Variants in RAB3B observed in about 807,000 individuals in gnomAD.
The protein encoded by RAB3B is RAB3B, member RAS oncogene family, also known as ras-related protein Rab-3B.
Under a neutral mutation model 20.5 loss-of-function variants are expected in RAB3B, and 11 were observed. The observed-to-expected ratio is 0.54, with a 90% CI of 0.34 to 0.89. The LOEUF (loss-of-function observed/expected upper bound fraction) is 0.89, where lower values mean the gene tolerates loss of function less well. RAB3B is among the 40% of genes least tolerant of loss of function. RAB3B has a pLI of 0.02. For missense variants in RAB3B, 225 were observed against 280.9 expected, an observed-to-expected ratio of 0.80 and a Z score of 1.42; for synonymous variants, 99 against 106.3, an observed-to-expected ratio of 0.93 and a Z score of 0.42.
chr1:51,957,592 T>C (rs1247113676), intron 2 of RAB3B, among the ~76,000 whole-genome samples: 1 of 152,194 alleles, frequency 6.6e-6, no homozygotes, highest in Non-Finnish European at 1.5e-5. Flanking sequence ...CTTGGTATTG[T>C]TGGGAGGATA....
intron 2 of RAB3B, among the ~76,000 whole-genome samples, chr1:51,953,745 G>T (rs192670294): frequency 2.0e-4 from 31 of 152,346 alleles, no homozygotes; most frequent in South Asian, 6.2e-4. Flanking sequence ...AGGTTGCAGT[G>T]AGCCAAGGTC....
chr1:51,953,609 G>A (rs548882447), intron 2 of RAB3B, among the ~76,000 whole-genome samples: 2 of 152,272 alleles, frequency 1.3e-5, no homozygotes, highest in Non-Finnish European at 2.9e-5. Flanking sequence ...TTCGAGACCA[G>A]CCTGACCAAC....
At chr1:51,967,807 C>A (rs1269136460) in intron 2 of RAB3B, among the ~76,000 whole-genome samples, 1 of 152,006 alleles carries the variant, frequency 6.6e-6, no homozygotes, top group East Asian at 1.9e-4. Flanking sequence ...TGAGCCACCA[C>A]GCCCAACCAG....
chr1:51,937,976 T>C (rs1401537547), intron 2 of RAB3B, among the ~76,000 whole-genome samples: 2 of 150,922 alleles, frequency 1.3e-5, no homozygotes, highest in African/African-American at 4.9e-5. Flanking sequence ...ACATAAAAAG[T>C]TTTAACCTTA....
At chr1:51,920,397 A>G (rs1684156404) in intron 4 of RAB3B, among the ~76,000 whole-genome samples, 1 of 152,226 alleles carries the variant, frequency 6.6e-6, no homozygotes, top group East Asian at 1.9e-4. Flanking sequence ...CCTGGTTTGT[A>G]AAAAGGGATA....
chr1:51,973,922 A>G (rs1164620387), intron 2 of RAB3B, among the ~76,000 whole-genome samples: 2 of 152,230 alleles, frequency 1.3e-5, no homozygotes, highest in Non-Finnish European at 2.9e-5. Context: ...CTGTCAATCC[A>G]CATAGTAAAT....
intron 1 of RAB3B, among the ~76,000 whole-genome samples, chr1:51,987,751 G>A (rs952799424): frequency 3.3e-5 from 5 of 152,090 alleles, no homozygotes; most frequent in African/African-American, 1.2e-4. Context: ...TTGGCTCCAG[G>A]ACCCCCATAT....
intron 2 of RAB3B, among the ~76,000 whole-genome samples, chr1:51,948,254 T>C (rs1684590129): frequency 6.6e-6 from 1 of 152,132 alleles, no homozygotes; most frequent in Non-Finnish European, 1.5e-5. Context: ...AGGTCTTCTG[T>C]CTCCCAACAG....
At chr1:51,958,690 T>G (rs868081224) in intron 2 of RAB3B, among the ~76,000 whole-genome samples, 26 of 147,482 alleles carry the variant, frequency 1.8e-4, no homozygotes, top group African/African-American at 5.5e-4. Flanking sequence ...GCCATTGCAC[T>G]CCAGCCTGGG....
intron 2 of RAB3B, among the ~76,000 whole-genome samples, chr1:51,941,366 G>T (rs1447475755): frequency 6.6e-6 from 1 of 152,138 alleles, no homozygotes; most frequent in Non-Finnish European, 1.5e-5. Flanking sequence ...CTGAGATTTA[G>T]AAAGATCACT....
At chr1:51,950,587 T>A (rs911787947) in intron 2 of RAB3B, among the ~76,000 whole-genome samples, 19 of 39,156 alleles carry the variant, frequency 4.9e-4, no homozygotes, top group Non-Finnish European at 6.6e-4. Context: ...CTGGGCACTT[T>A]CCATGTCATA....
intron 1 of RAB3B, among the ~76,000 whole-genome samples, chr1:51,986,820 G>A (rs543242206): frequency 1.3e-5 from 2 of 152,338 alleles, no homozygotes; most frequent in East Asian, 1.9e-4. Flanking sequence ...ATCTTCTTAG[G>A]AGGGGGCGGC....
intron 2 of RAB3B, among the ~76,000 whole-genome samples, chr1:51,948,812 G>T (rs1457842689): frequency 2.0e-5 from 3 of 152,186 alleles, no homozygotes; most frequent in African/African-American, 7.2e-5. Flanking sequence ...ATTAAGGTCT[G>T]TCTCCCTTGC....
At position 51,913,382 on chromosome 1, in the gene RAB3B, AGAG is replaced by A. The variant is rs1684033855; in HGVS notation, c.*6542_*6544del. The A allele has an allele frequency of 6.6e-6, 1 of 152,148 alleles. No homozygotes were observed. Among genetic ancestry groups the A allele is most frequent in the Non-Finnish European group, 1.5e-5 (1 of 68,036 alleles). The allele number at this position is 152,148 out of a possible 1,614,324, so 9.4% of individuals were successfully genotyped here. A position where few individuals can be genotyped will look rare whatever the true frequency, so the allele number is the denominator to read the frequency against. On this transcript the variant is annotated 3_prime_UTR_variant, in exon 5 of 5. Transcript: ENST00000371655. ...CAGGACATCTACCAGACTTAGTTTC[AGAG>A]GACTGAGGGTGCTTCCTGTGGTAGA...
At chr1:51,967,780 T>A (rs924138396) in intron 2 of RAB3B, among the ~76,000 whole-genome samples, 10 of 151,954 alleles carry the variant, frequency 6.6e-5, no homozygotes, top group Non-Finnish European at 1.3e-4. Context: ...CCTCCCAAAG[T>A]GCTAGGATTA....
intron 2 of RAB3B, among the ~76,000 whole-genome samples, chr1:51,956,435 A>G (rs1486563579): frequency 3.9e-5 from 6 of 152,326 alleles, no homozygotes; most frequent in Admixed American, 3.3e-4. Context: ...AGCAAATGTC[A>G]GAGCTGGGAG....
At chr1:51,960,956 CTA>C (rs1260890847) in intron 2 of RAB3B, among the ~76,000 whole-genome samples, 1 of 152,152 alleles carries the variant, frequency 6.6e-6, no homozygotes, top group East Asian at 1.9e-4. Flanking sequence ...GATCCTTTCC[CTA>C]TATGATCTCA....
In RAB3B at chr1:51,919,904, G is replaced by A; in HGVS notation, c.*23C>T. 1 of 1,599,696 alleles carries A rather than the reference G, an allele frequency of 6.3e-7. No individual in the cohort carries two copies. The highest frequency in any genetic ancestry group is 2.0e-4 in the Middle Eastern group (1 of 4,972). On this transcript the variant is annotated 3_prime_UTR_variant, in exon 5 of 5. Transcript: ENST00000371655. ...ACTGGGTGTGGGGCCACAATGAGGG[G>A]AGGTCAGGAAGGTGGGCCTTGCCTA...
At chr1:51,965,910 T>C (rs1243484161) in intron 2 of RAB3B, among the ~76,000 whole-genome samples, 1 of 152,206 alleles carries the variant, frequency 6.6e-6, no homozygotes, top group Admixed American at 6.5e-5. Flanking sequence ...AACTCTACAC[T>C]ATCACTGCAA....
Sources: allele counts gnomAD v4.1 joint callset (sites outside exome capture counted in the v4.1 genomes callset), GRCh38; gene constraint gnomAD v4.1.1; transcripts MANE v1.5; gene names NCBI Gene and HGNC (gene_info 2026-07-23, HGNC 2026-07-21).